The following PTPRF variants were observed in gnomAD, a reference collection of about 807,000 sequenced individuals.
The protein encoded by PTPRF is protein tyrosine phosphatase receptor type F.
Under a neutral mutation model 201.8 loss-of-function variants are expected in PTPRF, and 59 were observed. The observed-to-expected ratio is 0.29, with a 90% CI of 0.24 to 0.36. The LOEUF is 0.36. Ranked by LOEUF, PTPRF falls within the 10% of genes least tolerant of loss-of-function variation. The pLI, the probability that PTPRF is intolerant of heterozygous loss-of-function variation, is 1.00. For missense variants in PTPRF, 2,132 were observed against 2,690.5 expected, an observed-to-expected ratio of 0.79 and a Z score of 4.59; for synonymous variants, 1,088 against 1,089.7, an observed-to-expected ratio of 1.00 and a Z score of 0.03.
At position 43,598,035 on chromosome 1, in the gene PTPRF, G is replaced by T. The variant is rs1216281893; in HGVS notation, c.2101G>T (p.Val701Leu). The change falls in exon 12 of 34, where the codon GTG becomes TTG. Residue 701 changes from valine to leucine, a missense_variant. Physicochemically the swap from Val to Leu is conservative, Grantham distance 32. Transcript: ENST00000359947. ...CGGCCCCGAGAGCAGCCCGGTGCTG[G>T]TGCGCACCGATGAGGACGGTAGGCA... ...GPGPESSPVL[V>L]RTDEDVPSGP... 3 of 1,500,564 alleles carry T rather than the reference G, an allele frequency of 2.0e-6. No individual in the cohort carries two copies. The highest frequency in any genetic ancestry group is 5.0e-5 in the East Asian group (2 of 40,228). 93.0% of individuals were successfully genotyped at this position (1,500,564 alleles called of 1,614,324 possible). A position where few individuals can be genotyped will look rare whatever the true frequency, so the allele number is the denominator to read the frequency against.
At chr1:43,561,203 C>G (rs1230249064) in intron 5 of PTPRF, among the ~76,000 whole-genome samples, 1 of 152,186 alleles carries the variant, frequency 6.6e-6, no homozygotes, top group African/African-American at 2.4e-5. Flanking sequence ...ACATATGACC[C>G]TGTCCTGAGG....
In PTPRF at chr1:43,546,100, G is replaced by A. The variant is rs1304747334; in HGVS notation, c.91+934G>A. Among the ~76,000 whole-genome samples the A allele has an allele frequency of 2.6e-5, 4 of 152,176 alleles. No individual in the cohort carries two copies. The highest frequency in any genetic ancestry group is 4.4e-5 in the Non-Finnish European group (3 of 68,026). ...AGGGCCAACCCTGGGGTCAGCCCAC[G>A]GGTCACCAGGCCATAGGGCTCCCCC... is the stretch of plus-strand genomic sequence containing the variant. On this transcript the variant is annotated intron_variant, in intron 3 of 33. Transcript: ENST00000359947. The surrounding 1 kb of genome is among the most constrained non-coding windows in gnomAD (Gnocchi z 4.2).
chr1:43,564,540 G>A (rs1184622878), intron 5 of PTPRF, among the ~76,000 whole-genome samples: 1 of 152,150 alleles, frequency 6.6e-6, no homozygotes, highest in Non-Finnish European at 1.5e-5. Flanking sequence ...CACTGCAGGT[G>A]CCCCTCCACA....
At chr1:43,545,211 G>A (rs1359867795) in intron 3 of PTPRF, 45 bp downstream of exon 3, 18 of 1,537,144 alleles carry the variant, frequency 1.2e-5, no homozygotes, top group Non-Finnish European at 1.6e-5. Flanking sequence ...GTTGAAAGGT[G>A]GCATCCTTCC....
chr1:43,589,224 G>A (rs1334427646), intron 8 of PTPRF, among the ~76,000 whole-genome samples: 1 of 152,070 alleles, frequency 6.6e-6, no homozygotes, highest in African/African-American at 2.4e-5. Flanking sequence ...TTTCTTGGTG[G>A]GAGACATCAT....
At chr1:43,526,079 T>C (rs563594557), upstream of PTPRF, among the ~76,000 whole-genome samples, 250 of 151,652 alleles carry the variant, frequency 1.6e-3, 1 homozygote, top group South Asian at 7.5e-3. Flanking sequence ...GGACGGGGAA[T>C]AGAGAGCAAA....
At chr1:43,589,152 TAGAG>T (rs1191241549) in intron 8 of PTPRF, 152 bp downstream of exon 8, 23 of 886,388 alleles carry the variant, frequency 2.6e-5, no homozygotes, top group Non-Finnish European at 3.5e-5. Flanking sequence ...CTCCAGCCCT[TAGAG>T]GGAGGGAGGG....
At chr1:43,559,236 C>T (rs913652045) in intron 5 of PTPRF, among the ~76,000 whole-genome samples, 2 of 151,916 alleles carry the variant, frequency 1.3e-5, no homozygotes, top group East Asian at 1.9e-4. Context: ...GGGTGTGCAG[C>T]GGTCAGCGCA....
At chr1:43,621,331 A>C in intron 33 of PTPRF, 99 bp downstream of exon 33, 2 of 1,471,664 alleles carry the variant, frequency 1.4e-6, no homozygotes, top group Non-Finnish European at 1.8e-6. Flanking sequence ...ATGTGCATTC[A>C]TTCATGCTGC....
intron 5 of PTPRF, among the ~76,000 whole-genome samples, chr1:43,556,506 G>C (rs1645387169): frequency 6.6e-6 from 1 of 152,152 alleles, no homozygotes; most frequent in African/African-American, 2.4e-5. Context: ...GCCCGCCTTG[G>C]CCTCCCAAAG....
intron 16 of PTPRF, among the ~76,000 whole-genome samples, chr1:43,604,657 A>AT (rs1187989487): frequency 6.6e-6 from 1 of 151,984 alleles, no homozygotes; most frequent in African/African-American, 2.4e-5. Context: ...GTTTCTGGAG[A>AT]TTCTGACCCT....
intron 7 of PTPRF, among the ~76,000 whole-genome samples, chr1:43,580,552 A>G (rs1333841109): frequency 1.3e-5 from 2 of 152,232 alleles, no homozygotes; most frequent in African/African-American, 4.8e-5. Context: ...GTCTGTCTTC[A>G]GGAACAAGAG....
chr1:43,612,619 ACCGCCCCCTCCTCTTCT>A (rs1183141010), intron 22 of PTPRF: 4 of 528,460 alleles, frequency 7.6e-6, no homozygotes, highest in Non-Finnish European at 1.3e-5. Context: ...CCAGCCCCTC[ACCGCCCCCTCCTCTTCT>A]CCGCCAGCCC....
chr1:43,542,322 C>G lies in PTPRF; in HGVS notation c.-45-2709C>G, dbSNP rs1482277619. Among the ~76,000 whole-genome samples, 1 of 152,118 alleles carries G rather than the reference C, an allele frequency of 6.6e-6. No homozygotes were observed. Among genetic ancestry groups the G allele is most frequent in the Non-Finnish European group, 1.5e-5 (1 of 68,014 alleles). On this transcript the variant is annotated intron_variant, in intron 2 of 33. Coordinates refer to ENST00000359947, the MANE Select transcript of PTPRF (RefSeq NM_002840.5). This position sits in a 1 kb window ranked among gnomAD's most constrained non-coding sequence, Gnocchi z 5.2. ...AGCTGTGTGGCTGCCAGAGTAGTTG[C>G]CTGAGAATGTGTTTGTGTGTGTCCC...
rs1167666635 is a variant in PTPRF, at chr1:43,553,692, C to G, written c.237+55C>G. On this transcript the variant is annotated intron_variant, in intron 4 of 33. Transcript: ENST00000359947. This position sits in a 1 kb window ranked among gnomAD's most constrained non-coding sequence, Gnocchi z 4.1. The stretch of plus-strand genomic sequence containing the variant: ...GGCTCAGGGTCTGCCCACACTCTCT[C>G]CTTTCAGTGTCCCTCCTCATGGACC... 48 of 1,610,216 alleles carry G rather than the reference C, an allele frequency of 3.0e-5. No homozygotes were observed. Among genetic ancestry groups the G allele is most frequent in the Non-Finnish European group, 3.6e-5 (42 of 1,177,738 alleles).
chr1:43,586,641 C>G (rs977624260), intron 7 of PTPRF, among the ~76,000 whole-genome samples: 3 of 152,246 alleles, frequency 2.0e-5, no homozygotes, highest in African/African-American at 4.8e-5. Flanking sequence ...TGTTACAAAT[C>G]TGAAAAGTGT....
rs369561113 is a variant in PTPRF, at chr1:43,605,346, G to A, written c.3292G>A (p.Asp1098Asn). 306 of 1,613,748 alleles carry A rather than the reference G, an allele frequency of 1.9e-4. No homozygotes were observed. The highest frequency in any genetic ancestry group is 3.3e-4 in the Middle Eastern group (2 of 6,084). ...QHLVSIRTAP[D>N]LLPHKPLPAS... The stretch of plus-strand genomic sequence containing the variant: ...CCTGGTGTCCATCCGCACAGCCCCC[G>A]ACCTCCTGCCTCACAAGCCGCTGCC... Residue 1098 changes from aspartate (D) to asparagine (N), a missense_variant, in exon 18 of 34, where the codon GAC becomes AAC. Coordinates refer to ENST00000359947, the MANE Select transcript of PTPRF (RefSeq NM_002840.5).
intron 7 of PTPRF, chr1:43,583,004 G>C (rs1047915723): frequency 7.5e-6 from 7 of 928,798 alleles, no homozygotes; most frequent in African/African-American, 3.6e-5. Flanking sequence ...TACTCTCTCT[G>C]TGTTTCTCCT....
chr1:43,547,554 C>T (rs1437958078), intron 3 of PTPRF, among the ~76,000 whole-genome samples: 1 of 152,242 alleles, frequency 6.6e-6, no homozygotes, highest in Non-Finnish European at 1.5e-5. Context: ...GCTTGGGCAA[C>T]TACTAGCCAG....
Sources: allele counts gnomAD v4.1 joint callset (sites outside exome capture counted in the v4.1 genomes callset), GRCh38; gene constraint gnomAD v4.1.1; non-coding constraint Gnocchi (gnomAD v3.1); transcripts MANE v1.5; gene names NCBI Gene and HGNC (gene_info 2026-07-23, HGNC 2026-07-21).